The following PARD3 variants were observed in gnomAD, a reference collection of about 807,000 sequenced individuals.
The protein encoded by PARD3 is partitioning defective 3 homolog.
Under a neutral mutation model 155.4 loss-of-function variants are expected in PARD3, and 75 were observed. The observed-to-expected ratio is 0.48, with a 90% CI of 0.40 to 0.58. The LOEUF is 0.58. Ranked by LOEUF, PARD3 falls within the 20% of genes least tolerant of loss-of-function variation. The pLI is 0.00. For missense variants in PARD3, 1,642 were observed against 1,721.7 expected, an observed-to-expected ratio of 0.95 and a Z score of 0.82; for synonymous variants, 576 against 610.5, an observed-to-expected ratio of 0.94 and a Z score of 0.83.
chr10:34,426,439 A>C (rs778131956), intron 5 of PARD3, among the ~76,000 whole-genome samples: 3 of 152,202 alleles, frequency 2.0e-5, no homozygotes, highest in Non-Finnish European at 4.4e-5. Context: ...GTCCTTTTGG[A>C]GAATGGTATT....
At chr10:34,426,048 A>G (rs2075585277) in intron 5 of PARD3, among the ~76,000 whole-genome samples, 1 of 152,218 alleles carries the variant, frequency 6.6e-6, no homozygotes, top group Non-Finnish European at 1.5e-5. Context: ...TAGAGTCAAT[A>G]CTAAAGAAAT....
At chr10:34,217,600 T>C (rs750110804) in intron 22 of PARD3, among the ~76,000 whole-genome samples, 46 of 152,126 alleles carry the variant, frequency 3.0e-4, no homozygotes, top group Non-Finnish European at 5.7e-4. Flanking sequence ...TAGACGGGCA[T>C]GGAACCATGC....
chr10:34,795,351 C>T (rs1842133323), intron 1 of PARD3, among the ~76,000 whole-genome samples: 1 of 152,188 alleles, frequency 6.6e-6, no homozygotes, highest in African/African-American at 2.4e-5. Flanking sequence ...TAGTTCATAC[C>T]TATAATCTCA....
intron 14 of PARD3, 143 bp downstream of exon 14, chr10:34,359,004 A>G (rs1435788981): frequency 3.4e-6 from 2 of 595,098 alleles, no homozygotes; most frequent in Non-Finnish European, 5.8e-6. Context: ...ATCCACCTAC[A>G]AAATAATAAA....
chr10:34,358,561 C>T (rs10740887), intron 14 of PARD3, among the ~76,000 whole-genome samples: 87,475 of 151,942 alleles, frequency 0.58, 26,622 homozygotes, highest in African/African-American at 0.79. Flanking sequence ...GGTGCTATGG[C>T]GCGTGCCTGT....
chr10:34,298,149 C>T (rs192279229), intron 20 of PARD3, among the ~76,000 whole-genome samples: 1 of 152,306 alleles, frequency 6.6e-6, no homozygotes, highest in African/African-American at 2.4e-5. Flanking sequence ...CACATAAAAA[C>T]ACTAAATAAA....
chr10:34,814,352 G>A (rs1017525077), intron 1 of PARD3, among the ~76,000 whole-genome samples: 6 of 152,004 alleles, frequency 3.9e-5, no homozygotes, highest in Admixed American at 1.3e-4. Flanking sequence ...CCCCGCCGCT[G>A]TTCCGCCCCC....
In PARD3 at chr10:34,396,751, T is replaced by C. The variant is rs181055299; in HGVS notation, c.890+2579A>G. On this transcript the variant is annotated intron_variant, in intron 7 of 24. Coordinates refer to ENST00000374788, the MANE Select transcript of PARD3 (RefSeq NM_001184785.2). ...ACTTACATATCATGAATATATATTA[T>C]TGTAGTCCTACTAGATATATGTGCA... Among the ~76,000 whole-genome samples the C allele has an allele frequency of 2.1e-3, 326 of 152,282 alleles. 1 individual carries two copies. The highest frequency in any genetic ancestry group is 3.6e-3 in the Non-Finnish European group (246 of 68,028).
At chr10:34,675,542 TATG>T (rs1483236366) in intron 2 of PARD3, 1 of 152,128 alleles carries the variant, frequency 6.6e-6, no homozygotes, top group African/African-American at 2.4e-5. Context: ...AACTCCCCAA[TATG>T]ATATTTCAGC....
At chr10:34,631,034 C>G (rs1175758047) in intron 2 of PARD3, among the ~76,000 whole-genome samples, 7 of 151,870 alleles carry the variant, frequency 4.6e-5, no homozygotes, top group South Asian at 2.1e-4. Flanking sequence ...AGGCTGCTCT[C>G]AAACTCCAGG....
At chr10:34,438,354 T>C (rs189373700) in intron 5 of PARD3, among the ~76,000 whole-genome samples, 168 of 152,336 alleles carry the variant, frequency 1.1e-3, no homozygotes, top group African/African-American at 3.6e-3. Context: ...TTTTGTCATA[T>C]GCAGATGCTA....
chr10:34,538,246 C>T (rs779990874), intron 2 of PARD3, among the ~76,000 whole-genome samples: 2 of 152,184 alleles, frequency 1.3e-5, no homozygotes, highest in Admixed American at 6.5e-5. Flanking sequence ...GGGTTCCTAG[C>T]ATCAAATATT....
At chr10:34,134,212 T>C (rs1177089797) in intron 22 of PARD3, among the ~76,000 whole-genome samples, 1 of 152,180 alleles carries the variant, frequency 6.6e-6, no homozygotes, top group Non-Finnish European at 1.5e-5. Flanking sequence ...TGAGTGAGGA[T>C]GGTTACCTTC....
At chr10:34,506,534 CG>C (rs1589813321) in intron 3 of PARD3, among the ~76,000 whole-genome samples, 1 of 152,176 alleles carries the variant, frequency 6.6e-6, no homozygotes, top group East Asian at 1.9e-4. Context: ...AAAGAATTCC[CG>C]GGCAACGCAA....
chr10:34,718,663 CA>C (rs2094558576), intron 1 of PARD3, among the ~76,000 whole-genome samples: 5 of 150,334 alleles, frequency 3.3e-5, no homozygotes, highest in Admixed American at 3.3e-4. Flanking sequence ...TACTCTATCT[CA>C]AAAATAAAAA....
chr10:34,490,396 G>C (rs181383217), intron 3 of PARD3, among the ~76,000 whole-genome samples: 13 of 152,192 alleles, frequency 8.5e-5, no homozygotes, highest in African/African-American at 2.9e-4. Flanking sequence ...ATTACAGAGA[G>C]AGAGAGAGAG....
chr10:34,269,584 T>A, intron 22 of PARD3, 73 bp downstream of exon 22: 3 of 1,517,574 alleles, frequency 2.0e-6, no homozygotes, highest in Non-Finnish European at 2.7e-6. Flanking sequence ...GATTGATGAA[T>A]GGTCTACTCC....
chr10:34,699,140 C>T lies in PARD3; in HGVS notation c.121-2721G>A, dbSNP rs573625873. Among the ~76,000 whole-genome samples the T allele has an allele frequency of 8.5e-5, 13 of 152,234 alleles. No homozygotes were observed. In the South Asian group the frequency reaches 2.7e-3, roughly 32 times the overall value. On this transcript the variant is annotated intron_variant, in intron 1 of 24. Transcript: ENST00000374788. Reference sequence around the variant, plus strand: ...TTTGAGAGTCAATGGTTGACTCCTGCCTCCGGAGGGGTCCTGACTCAACAG... The same window carrying T: ...TTTGAGAGTCAATGGTTGACTCCTGTCTCCGGAGGGGTCCTGACTCAACAG...
At chr10:34,491,250 A>G (rs868701943) in intron 3 of PARD3, among the ~76,000 whole-genome samples, 34 of 152,330 alleles carry the variant, frequency 2.2e-4, no homozygotes, top group African/African-American at 8.2e-4. Flanking sequence ...GTATTAAGCA[A>G]TGTAATTAAT....
Sources: allele counts gnomAD v4.1 joint callset (sites outside exome capture counted in the v4.1 genomes callset), GRCh38; gene constraint gnomAD v4.1.1; transcripts MANE v1.5; gene names NCBI Gene and HGNC (gene_info 2026-07-23, HGNC 2026-07-21).